MARCHF1: variants seen among roughly 807,000 people sequenced by gnomAD.
The protein encoded by MARCHF1 is E3 ubiquitin-protein ligase MARCHF1.
In MARCHF1, 40 loss-of-function variants were observed where a neutral mutation model predicts 54.2. The ratio of observed to expected loss-of-function variants is 0.74; its 90% CI spans 0.57 to 0.96. The LOEUF (loss-of-function observed/expected upper bound fraction) is 0.96, where lower values mean the gene tolerates loss of function less well. MARCHF1 is among the 40% of genes least tolerant of loss of function. The probability of loss-of-function intolerance (pLI) is 0.00; values close to 1 mark genes in which losing one functional copy is unlikely to be tolerated. For missense variants in MARCHF1, 586 were observed against 656.5 expected, an observed-to-expected ratio of 0.89 and a Z score of 1.17; for synonymous variants, 236 against 236.3, an observed-to-expected ratio of 1.00 and a Z score of 0.01.
At chr4:163,888,328 G>A (rs1018709721) in intron 3 of MARCHF1, among the ~76,000 whole-genome samples, 17 of 152,192 alleles carry the variant, frequency 1.1e-4, no homozygotes, top group Non-Finnish European at 1.8e-4. Flanking sequence ...GGGTAGAGAG[G>A]GAATAGTCTT....
chr4:164,206,993 G>A (rs1383592440), intron 1 of MARCHF1, among the ~76,000 whole-genome samples: 1 of 152,090 alleles, frequency 6.6e-6, no homozygotes, highest in Admixed American at 6.5e-5. Flanking sequence ...TAAAAGTGAT[G>A]ATATAATAGT....
chr4:164,194,138 T>C (rs1242748934), intron 1 of MARCHF1, among the ~76,000 whole-genome samples: 3 of 152,200 alleles, frequency 2.0e-5, no homozygotes, highest in Admixed American at 6.5e-5. Context: ...TAGTGAATCA[T>C]AGATTAAAAT....
chr4:163,978,059 T>A (rs1752683821), intron 3 of MARCHF1, among the ~76,000 whole-genome samples: 1 of 152,186 alleles, frequency 6.6e-6, no homozygotes, highest in Non-Finnish European at 1.5e-5. Flanking sequence ...CGCTATAAAT[T>A]CTTGATTCCA....
intron 8 of MARCHF1, among the ~76,000 whole-genome samples, chr4:163,562,282 C>A (rs1190752187): frequency 6.7e-6 from 1 of 149,410 alleles, no homozygotes; most frequent in Non-Finnish European, 1.5e-5. Context: ...GGCGTCAGAG[C>A]CAGACTCTGT....
At chr4:164,060,119 T>C (rs188874276) in intron 2 of MARCHF1, among the ~76,000 whole-genome samples, 2 of 152,224 alleles carry the variant, frequency 1.3e-5, no homozygotes, top group East Asian at 1.9e-4. Context: ...GTCTACCAAA[T>C]TGTTGTTTTG....
chr4:164,099,050 A>C (rs886901494), intron 2 of MARCHF1, among the ~76,000 whole-genome samples: 1 of 152,230 alleles, frequency 6.6e-6, no homozygotes. Flanking sequence ...AACCTCAGTC[A>C]AATGCATGTA....
intron 5 of MARCHF1, among the ~76,000 whole-genome samples, chr4:163,661,905 T>A (rs886551362): frequency 1.3e-5 from 2 of 152,092 alleles, no homozygotes; most frequent in African/African-American, 2.4e-5. Flanking sequence ...GAAAATATTT[T>A]TATGCTATCA....
At position 163,931,425 on chromosome 4, in the gene MARCHF1, G is replaced by A. The variant is rs1276371701; in HGVS notation, c.-39+57076C>T. ...TTTGGAAGGTATTTAGATCATGAGG[G>A]TAGAGCCCTGATGAATGGGATTAGT... On this transcript the variant is annotated intron_variant, in intron 3 of 9. Coordinates refer to ENST00000514618, the MANE Select transcript of MARCHF1 (RefSeq NM_001394959.1). 3.3e-5 allele frequency among the ~76,000 whole-genome samples: 5 copies of A among 152,024 alleles called. No homozygotes were observed. The East Asian group carries it at 9.6e-4, about 29-fold the overall frequency.
chr4:163,931,298 T>G (rs907439632), intron 3 of MARCHF1, among the ~76,000 whole-genome samples: 1 of 152,178 alleles, frequency 6.6e-6, no homozygotes, highest in African/African-American at 2.4e-5. Context: ...TTGGGTAATA[T>G]TAACATTTAA....
At chr4:163,682,841 A>C (rs985654638) in intron 5 of MARCHF1, among the ~76,000 whole-genome samples, 3 of 152,164 alleles carry the variant, frequency 2.0e-5, no homozygotes, top group African/African-American at 4.8e-5. Context: ...CTCCCAAGCC[A>C]TGCTAAACTG....
chr4:163,618,064 A>T (rs2110948597), intron 5 of MARCHF1, among the ~76,000 whole-genome samples: 1 of 152,300 alleles, frequency 6.6e-6, no homozygotes, highest in Non-Finnish European at 1.5e-5. Context: ...GATAGCATTT[A>T]TGTCTACAGC....
intron 3 of MARCHF1, among the ~76,000 whole-genome samples, chr4:163,865,633 A>C (rs1039748666): frequency 2.0e-5 from 3 of 151,832 alleles, no homozygotes; most frequent in African/African-American, 7.2e-5. Flanking sequence ...TGTATGAAAG[A>C]CCTATGGCTT....
At chr4:164,316,306 A>G (rs1408555890) in intron 1 of MARCHF1, among the ~76,000 whole-genome samples, 2 of 152,168 alleles carry the variant, frequency 1.3e-5, no homozygotes, top group Non-Finnish European at 2.9e-5. Flanking sequence ...AAAAATAAGC[A>G]CGAATAAGTC....
intron 2 of MARCHF1, among the ~76,000 whole-genome samples, chr4:164,095,031 T>A (rs1755380542): frequency 6.6e-6 from 1 of 152,224 alleles, no homozygotes; most frequent in African/African-American, 2.4e-5. Flanking sequence ...CCCATTATCA[T>A]CACTAATTGT....
intron 1 of MARCHF1, among the ~76,000 whole-genome samples, chr4:164,171,999 T>C (rs866073019): frequency 6.6e-6 from 1 of 152,208 alleles, no homozygotes; most frequent in East Asian, 1.9e-4. Context: ...CACTACGTCA[T>C]AGCCCGTCTC....
chr4:163,551,633 G>A (rs1739109623), intron 8 of MARCHF1, among the ~76,000 whole-genome samples: 1 of 152,186 alleles, frequency 6.6e-6, no homozygotes, highest in Non-Finnish European at 1.5e-5. Flanking sequence ...CAGTAATATA[G>A]TGGCTGTGTC....
intron 3 of MARCHF1, among the ~76,000 whole-genome samples, chr4:163,901,169 C>T (rs1193307688): frequency 6.6e-6 from 1 of 152,172 alleles, no homozygotes; most frequent in African/African-American, 2.4e-5. Flanking sequence ...GATAAACTAG[C>T]TGAGGAACCT....
At chr4:163,532,806 TATC>T (rs1738397103) in intron 9 of MARCHF1, among the ~76,000 whole-genome samples, 1 of 151,930 alleles carries the variant, frequency 6.6e-6, no homozygotes, top group African/African-American at 2.4e-5. Flanking sequence ...TAAAACAAGA[TATC>T]ATTATATACC....
intron 4 of MARCHF1, among the ~76,000 whole-genome samples, chr4:163,795,921 T>G (rs960556747): frequency 1.3e-5 from 2 of 152,104 alleles, no homozygotes; most frequent in Admixed American, 6.5e-5. Flanking sequence ...TATCTTACAA[T>G]AAAGTAAGCT....
Sources: gnomAD v4.1 joint callset for allele counts (sites outside exome capture counted in the v4.1 genomes callset) on GRCh38, gnomAD v4.1.1 for gene constraint, MANE v1.5 for transcripts, NCBI Gene and HGNC (gene_info 2026-07-23, HGNC 2026-07-21) for gene names.